The following PRDM5 variants were observed in gnomAD, a reference collection of about 807,000 sequenced individuals.
PRDM5 encodes PR/SET domain 5.
A neutral mutation model predicts 81.2 loss-of-function variants in PRDM5; 56 were observed. The ratio of observed to expected loss-of-function variants is 0.69; its 90% CI spans 0.56 to 0.86. PRDM5 has a LOEUF of 0.86. PRDM5 is among the 40% of genes least tolerant of loss of function. PRDM5 has a pLI of 0.00. For synonymous variants in PRDM5, 267 were observed against 256.4 expected (o/e 1.04, Z -0.39); for missense variants, 697 against 770.1 (o/e 0.91, Z 1.12).
At chr4:120,808,358 C>T (rs892756463) in intron 8 of PRDM5, among the ~76,000 whole-genome samples, 7 of 152,100 alleles carry the variant, frequency 4.6e-5, no homozygotes, top group Non-Finnish European at 2.9e-5. Context: ...AAGTTCTCCA[C>T]GTCCCCATTA....
intron 13 of PRDM5, among the ~76,000 whole-genome samples, chr4:120,760,503 T>C (rs1356199875): frequency 6.6e-6 from 1 of 151,448 alleles, no homozygotes; most frequent in East Asian, 1.9e-4. Context: ...GCAGCATAAA[T>C]AATAATATTT....
At chr4:120,839,317 A>G (rs1448190505) in intron 3 of PRDM5, 4 of 702,690 alleles carry the variant, frequency 5.7e-6, no homozygotes, top group Admixed American at 2.0e-5. Flanking sequence ...GTAGAAGGTA[A>G]GCAAGATGAA....
At chr4:120,729,801 A>G (rs1031858686) in intron 14 of PRDM5, among the ~76,000 whole-genome samples, 12 of 152,190 alleles carry the variant, frequency 7.9e-5, no homozygotes, top group African/African-American at 2.9e-4. Context: ...AAGTGAAGGG[A>G]AAATGGTGTT....
intron 3 of PRDM5, among the ~76,000 whole-genome samples, chr4:120,821,851 T>C (rs779080288): frequency 2.6e-5 from 4 of 151,326 alleles, no homozygotes; most frequent in Admixed American, 6.6e-5. Flanking sequence ...GAAAAAATAC[T>C]AGACATCTGG....
intron 2 of PRDM5, among the ~76,000 whole-genome samples, chr4:120,854,824 G>A (rs1479884462): frequency 6.6e-6 from 1 of 151,968 alleles, no homozygotes; most frequent in East Asian, 1.9e-4. Context: ...CTAAAGGGAG[G>A]GAACAGGCCA....
chr4:120,852,309 A>T (rs1421245870), intron 3 of PRDM5, among the ~76,000 whole-genome samples: 2 of 152,154 alleles, frequency 1.3e-5, no homozygotes, highest in African/African-American at 4.8e-5. Context: ...TTGGTCAAAC[A>T]TTATTCTGGG....
In PRDM5 at chr4:120,811,364, A is replaced by C; in HGVS notation, c.945+6T>G. 6.4e-7 allele frequency: 1 copy of C among 1,563,124 alleles called. No individual in the cohort carries two copies. The highest frequency in any genetic ancestry group is 1.1e-5 in the South Asian group (1 of 88,016). ...TTAAACTGTGATGAATTTTTATCTT[A>C]CTGACCTTTCTATGTTCCTGTAGGC... On this transcript the variant is annotated splice_donor_region_variant and intron_variant, in intron 8 of 15. Transcript: ENST00000264808.
chr4:120,875,288 C>T (rs1289296677), intron 2 of PRDM5, among the ~76,000 whole-genome samples: 1 of 152,232 alleles, frequency 6.6e-6, no homozygotes, highest in Non-Finnish European at 1.5e-5. Flanking sequence ...ACAATTTCAA[C>T]TTGAGTGCCA....
intron 2 of PRDM5, among the ~76,000 whole-genome samples, chr4:120,884,688 T>C (rs944263092): frequency 6.6e-6 from 1 of 152,172 alleles, no homozygotes. Context: ...TTCATTTTCA[T>C]GGGGGACACT....
At chr4:120,761,106 G>C (rs556365061) in intron 13 of PRDM5, among the ~76,000 whole-genome samples, 1 of 152,094 alleles carries the variant, frequency 6.6e-6, no homozygotes, top group Non-Finnish European at 1.5e-5. Context: ...TAACTTACTC[G>C]GCTTGAAGTA....
intron 3 of PRDM5, among the ~76,000 whole-genome samples, chr4:120,832,591 A>G (rs1284714641): frequency 1.3e-5 from 2 of 152,118 alleles, no homozygotes; most frequent in South Asian, 2.1e-4. Flanking sequence ...GGCAGGCACT[A>G]TATCATATTC....
intron 14 of PRDM5, among the ~76,000 whole-genome samples, chr4:120,713,424 C>T (rs1297452918): frequency 6.6e-6 from 1 of 152,056 alleles, no homozygotes; most frequent in Non-Finnish European, 1.5e-5. Context: ...GCAAGTTTTG[C>T]CTCTTTACAA....
chr4:120,856,223 T>A (rs1208836248), intron 2 of PRDM5, among the ~76,000 whole-genome samples: 1 of 152,224 alleles, frequency 6.6e-6, no homozygotes, highest in Non-Finnish European at 1.5e-5. Context: ...ATAATTTGAT[T>A]TTATACTAAA....
At chr4:120,914,471 T>C (rs966121108) in intron 1 of PRDM5, among the ~76,000 whole-genome samples, 4 of 152,138 alleles carry the variant, frequency 2.6e-5, no homozygotes, top group African/African-American at 9.7e-5. Flanking sequence ...GAGAAGTGTA[T>C]TAATCTATTC....
intron 10 of PRDM5, among the ~76,000 whole-genome samples, chr4:120,792,301 G>T (rs1750688844): frequency 1.3e-5 from 2 of 152,104 alleles, no homozygotes; most frequent in South Asian, 4.1e-4. Context: ...CACTCCACTG[G>T]TGCGGAGACT....
At chr4:120,891,670 C>T (rs1764061433) in intron 2 of PRDM5, among the ~76,000 whole-genome samples, 1 of 152,074 alleles carries the variant, frequency 6.6e-6, no homozygotes, top group African/African-American at 2.4e-5. Flanking sequence ...GACAGAGTCT[C>T]ACTGTGTCAC....
chr4:120,727,617 C>G (rs542572052), intron 14 of PRDM5, among the ~76,000 whole-genome samples: 2 of 152,212 alleles, frequency 1.3e-5, no homozygotes, highest in East Asian at 1.9e-4. Context: ...TTTGCTGAAG[C>G]AGAAAAGTAT....
chr4:120,828,920 A>C (rs560351962), intron 3 of PRDM5, among the ~76,000 whole-genome samples: 5 of 152,200 alleles, frequency 3.3e-5, no homozygotes, highest in Admixed American at 6.5e-5. Flanking sequence ...TTTTATCTGT[A>C]AAATGATAGA....
At chr4:120,807,536 A>C (rs922073556) in intron 8 of PRDM5, among the ~76,000 whole-genome samples, 1 of 152,252 alleles carries the variant, frequency 6.6e-6, no homozygotes, top group Non-Finnish European at 1.5e-5. Context: ...CAGCCCATAA[A>C]AAAGGATGAG....
Sources: gnomAD v4.1 joint callset for allele counts (sites outside exome capture counted in the v4.1 genomes callset) on GRCh38, gnomAD v4.1.1 for gene constraint, MANE v1.5 for transcripts, NCBI Gene and HGNC (gene_info 2026-07-23, HGNC 2026-07-21) for gene names.